Variants in TMEM232 observed in about 807,000 individuals in gnomAD.
TMEM232 encodes transmembrane protein 232.
In TMEM232, 80 loss-of-function variants were observed where a neutral mutation model predicts 78.8. The observed-to-expected ratio is 1.01, with a 90% CI of 0.85 to 1.22. TMEM232 has a LOEUF of 1.22. TMEM232 is among the 50% of genes most tolerant of loss of function. The pLI is 0.00. For missense variants in TMEM232, 881 were observed against 742.2 expected (o/e 1.19, Z -2.17); for synonymous variants, 297 against 254.3 (o/e 1.17, Z -1.60).
chr5:110,552,094 CAAT>C (rs1774542104), intron 11 of TMEM232, among the ~76,000 whole-genome samples: 1 of 151,874 alleles, frequency 6.6e-6, no homozygotes, highest in African/African-American at 2.4e-5. Context: ...TTGTCTAAAA[CAAT>C]AATAATGTTT....
chr5:110,573,298 A>G (rs887309774), intron 10 of TMEM232, among the ~76,000 whole-genome samples: 1 of 152,102 alleles, frequency 6.6e-6, no homozygotes, highest in Non-Finnish European at 1.5e-5. Flanking sequence ...GTACATAAGT[A>G]TAGCCTTTGC....
At chr5:110,689,224 G>A (rs1160302621) in intron 1 of TMEM232, among the ~76,000 whole-genome samples, 2 of 152,030 alleles carry the variant, frequency 1.3e-5, no homozygotes, top group Non-Finnish European at 2.9e-5. Flanking sequence ...GCAAGGGCAG[G>A]GCTAATAACA....
chr5:110,411,012 C>T (rs540964654), intron 2 of TMEM232, among the ~76,000 whole-genome samples: 1 of 152,272 alleles, frequency 6.6e-6, no homozygotes, highest in African/African-American at 2.4e-5. Flanking sequence ...ATCCCTGGCC[C>T]TCTCATACTG....
chr5:110,541,933 A>G lies in TMEM232; in HGVS notation c.1456-13098T>C, dbSNP rs530890684. On this transcript the variant is annotated intron_variant, in intron 11 of 13. Coordinates refer to ENST00000455884, the MANE Select transcript of TMEM232 (RefSeq NM_001039763.4). Reference sequence around the variant, plus strand: ...CAACCCTAAATCAGGCCAAGAGATGAAAACATGGAAAAAGAGATCACCTGC... The same window carrying G: ...CAACCCTAAATCAGGCCAAGAGATGGAAACATGGAAAAAGAGATCACCTGC... Among the ~76,000 whole-genome samples, 26 of 152,304 alleles carry G rather than the reference A, an allele frequency of 1.7e-4. No individual in the cohort carries two copies. The South Asian group carries it at 5.2e-3, about 30-fold the overall frequency.
intron 1 of TMEM232, among the ~76,000 whole-genome samples, chr5:110,715,587 T>C (rs1162201230): frequency 6.6e-6 from 1 of 152,146 alleles, no homozygotes; most frequent in Non-Finnish European, 1.5e-5. Context: ...TTAATACATT[T>C]TCTAAGGTGA....
intron 2 of TMEM232, among the ~76,000 whole-genome samples, chr5:110,408,472 A>C (rs1167617132): frequency 6.6e-6 from 1 of 151,890 alleles, no homozygotes; most frequent in African/African-American, 2.4e-5. Context: ...CATGCCTTTA[A>C]TCCCAGCTAC....
At chr5:110,425,518 C>A (rs540485151) in intron 12 of TMEM232, among the ~76,000 whole-genome samples, 1 of 152,038 alleles carries the variant, frequency 6.6e-6, no homozygotes, top group Non-Finnish European at 1.5e-5. Context: ...TAAAAAGAGG[C>A]AGCCAGTGAG....
chr5:110,480,500 T>C (rs1170232201), intron 12 of TMEM232, among the ~76,000 whole-genome samples: 1 of 152,038 alleles, frequency 6.6e-6, no homozygotes, highest in African/African-American at 2.4e-5. Flanking sequence ...TTGTTTGGTT[T>C]GGTTGGTTGT....
chr5:110,626,675 G>A (rs2149943187), intron 6 of TMEM232, among the ~76,000 whole-genome samples: 1 of 151,932 alleles, frequency 6.6e-6, no homozygotes, highest in Admixed American at 6.6e-5. Flanking sequence ...TTTGCCTTAT[G>A]CTTAAATTTT....
At chr5:110,432,034 T>G (rs1326464505) in intron 12 of TMEM232, among the ~76,000 whole-genome samples, 3 of 151,706 alleles carry the variant, frequency 2.0e-5, no homozygotes, top group Middle Eastern at 3.2e-3. Flanking sequence ...TGAGCTACAG[T>G]AAGTGAAGTC....
intron 12 of TMEM232, among the ~76,000 whole-genome samples, chr5:110,467,473 T>C (rs1213735763): frequency 1.3e-5 from 2 of 152,202 alleles, no homozygotes; most frequent in African/African-American, 2.4e-5. Context: ...GCTTATGCAG[T>C]TGGGCAGCTA....
At chr5:110,465,443 A>G (rs766901065) in intron 12 of TMEM232, among the ~76,000 whole-genome samples, 4 of 152,202 alleles carry the variant, frequency 2.6e-5, no homozygotes, top group Non-Finnish European at 5.9e-5. Context: ...CAGGCTGCAT[A>G]ATATTTTAGT....
chr5:110,706,685 G>T (rs1037568384), intron 1 of TMEM232, among the ~76,000 whole-genome samples: 1 of 151,974 alleles, frequency 6.6e-6, no homozygotes, highest in Admixed American at 6.6e-5. Flanking sequence ...GCTCCTCAAG[G>T]CATCTCAGCA....
chr5:110,548,595 A>T (rs1278196744), intron 11 of TMEM232, among the ~76,000 whole-genome samples: 1 of 151,888 alleles, frequency 6.6e-6, no homozygotes, highest in Non-Finnish European at 1.5e-5. Context: ...CAAATATGAG[A>T]CTATTTTAAA....
intron 12 of TMEM232, among the ~76,000 whole-genome samples, chr5:110,523,966 A>AGGGGGGG (rs1230285778): frequency 2.4e-5 from 1 of 41,228 alleles, no homozygotes; most frequent in Admixed American, 3.9e-4. Context: ...AAAAAAAAAA[A>AGGGGGGG]GGGGGGGGGG....
At chr5:110,666,739 G>T (rs1790642098) in intron 2 of TMEM232, 1 of 152,102 alleles carries the variant, frequency 6.6e-6, no homozygotes, top group Admixed American at 6.6e-5. Flanking sequence ...GATCACTATG[G>T]TATTGGGACA....
intron 8 of TMEM232, among the ~76,000 whole-genome samples, chr5:110,616,789 A>T (rs1013160982): frequency 6.6e-6 from 1 of 152,180 alleles, no homozygotes; most frequent in African/African-American, 2.4e-5. Context: ...GCTATTATCA[A>T]AAAGATGAAA....
chr5:110,682,002 T>C (rs2150184817), intron 1 of TMEM232, among the ~76,000 whole-genome samples: 1 of 152,274 alleles, frequency 6.6e-6, no homozygotes, highest in East Asian at 1.9e-4. Context: ...AAAAATAAAA[T>C]GAGGCTAAAA....
intron 11 of TMEM232, among the ~76,000 whole-genome samples, chr5:110,536,343 G>T (rs897879551): frequency 6.6e-6 from 1 of 152,198 alleles, no homozygotes; most frequent in African/African-American, 2.4e-5. Context: ...TGGTATTTGA[G>T]GGCAACTGGC....
Sources: gnomAD v4.1 joint callset for allele counts (sites outside exome capture counted in the v4.1 genomes callset) on GRCh38, gnomAD v4.1.1 for gene constraint, MANE v1.5 for transcripts, NCBI Gene and HGNC (gene_info 2026-07-23, HGNC 2026-07-21) for gene names.